The following TPST1 variants were observed in gnomAD, a reference collection of about 807,000 sequenced individuals.
The protein encoded by TPST1 is protein-tyrosine sulfotransferase 1.
Under a neutral mutation model 34.8 loss-of-function variants are expected in TPST1, and 20 were observed. The observed-to-expected ratio is 0.57, with a 90% confidence interval of 0.40 to 0.84. The LOEUF is 0.84. Among genes scored for constraint, TPST1 ranks in the 40% least tolerant of loss-of-function variants. The pLI, the probability that TPST1 is intolerant of heterozygous loss-of-function variation, is 0.00. For missense variants in TPST1, 353 were observed against 455.5 expected, an observed-to-expected ratio of 0.78 and a Z score of 2.05; for synonymous variants, 152 against 159.4, an observed-to-expected ratio of 0.95 and a Z score of 0.35.
Position 66,299,297 on chromosome 7 carries a change from A to AG in TPST1, c.1044+12590dup, listed in dbSNP as rs200396687. ...AGACATGTTGACTACTAATGCTCTT[A>AG]GGTTTTTTTTTTTTTTTTTAATTTG... On this transcript the variant is annotated intron_variant, in intron 3 of 5. Transcript: ENST00000304842. Among the ~76,000 whole-genome samples the AG allele has an allele frequency of 6.6e-5, 5 of 75,816 alleles. No individual in the cohort carries two copies. The East Asian group carries it at 1.6e-3, about 25-fold the overall frequency. 49.7% of individuals were successfully genotyped at this position (75,816 alleles called of 152,430 possible).
At chr7:66,341,775 C>T (rs1368672862) in intron 3 of TPST1, among the ~76,000 whole-genome samples, 2 of 152,022 alleles carry the variant, frequency 1.3e-5, no homozygotes, top group African/African-American at 4.8e-5. Context: ...TCGGAGATAA[C>T]AAAAACAATG....
At chr7:66,268,135 T>C in intron 2 of TPST1, among the ~76,000 whole-genome samples, 1 of 152,074 alleles carries the variant, frequency 6.6e-6, no homozygotes, top group African/African-American at 2.4e-5. Context: ...ATATTTTTAG[T>C]AGAGATGAGG....
At chr7:66,267,566 CA>C (rs1209248266) in intron 2 of TPST1, among the ~76,000 whole-genome samples, 4 of 152,052 alleles carry the variant, frequency 2.6e-5, no homozygotes, top group Non-Finnish European at 4.4e-5. Context: ...CTTTCATCCC[CA>C]AATTGCAGAA....
intron 2 of TPST1, among the ~76,000 whole-genome samples, chr7:66,260,701 C>T (rs879938597): frequency 6.6e-6 from 1 of 152,062 alleles, no homozygotes; most frequent in Non-Finnish European, 1.5e-5. Flanking sequence ...TATTCTTGAG[C>T]TTTGTTCTGG....
intron 3 of TPST1, among the ~76,000 whole-genome samples, chr7:66,304,401 A>G (rs537986811): frequency 6.6e-6 from 1 of 152,256 alleles, no homozygotes; most frequent in Admixed American, 6.5e-5. Context: ...GACTGCCCTG[A>G]CCTCTTAAAA....
intron 3 of TPST1, among the ~76,000 whole-genome samples, chr7:66,287,597 G>A (rs1433204755): frequency 1.7e-5 from 2 of 120,362 alleles, no homozygotes. Flanking sequence ...GCATTTCTCT[G>A]ATGGCCAGTG....
chr7:66,214,270 A>G (rs147190939), intron 1 of TPST1, among the ~76,000 whole-genome samples: 1 of 152,028 alleles, frequency 6.6e-6, no homozygotes, highest in African/African-American at 2.4e-5. Flanking sequence ...AGAAATATCT[A>G]TTTTGAGCAC....
intron 3 of TPST1, among the ~76,000 whole-genome samples, chr7:66,317,215 T>G (rs1584234577): frequency 1.3e-5 from 2 of 152,212 alleles, no homozygotes; most frequent in African/African-American, 4.8e-5. Flanking sequence ...TTATATGTAC[T>G]TCTTGGTCCT....
chr7:66,210,235 G>A (rs766976494), intron 1 of TPST1, among the ~76,000 whole-genome samples: 3 of 152,182 alleles, frequency 2.0e-5, no homozygotes, highest in African/African-American at 4.8e-5. Context: ...CTGGGTAATG[G>A]TGGTTCTGTT....
At chr7:66,306,704 T>G (rs1274929989) in intron 3 of TPST1, among the ~76,000 whole-genome samples, 1 of 152,192 alleles carries the variant, frequency 6.6e-6, no homozygotes. Flanking sequence ...TATAGTTTTT[T>G]GTTTTGTTTT....
intron 3 of TPST1, among the ~76,000 whole-genome samples, chr7:66,320,249 T>C (rs965966546): frequency 1.8e-4 from 26 of 142,956 alleles, no homozygotes; most frequent in Middle Eastern, 3.5e-3. Context: ...CTTTTTCTTT[T>C]TTTTTTTTTT....
intron 3 of TPST1, among the ~76,000 whole-genome samples, chr7:66,303,622 C>G (rs566374186): frequency 1.4e-4 from 22 of 152,214 alleles, no homozygotes; most frequent in Non-Finnish European, 1.3e-4. Context: ...GTTGCCCAGG[C>G]TGGTCTGAAG....
chr7:66,329,717 A>G (rs923333264), intron 3 of TPST1, among the ~76,000 whole-genome samples: 2 of 152,232 alleles, frequency 1.3e-5, no homozygotes, highest in Non-Finnish European at 2.9e-5. Flanking sequence ...GTCCACTTCC[A>G]TTAGATAAAG....
intron 2 of TPST1, among the ~76,000 whole-genome samples, chr7:66,274,028 G>A (rs1365134321): frequency 6.6e-6 from 1 of 151,096 alleles, no homozygotes; most frequent in African/African-American, 2.4e-5. Context: ...GTAGAGACGG[G>A]GTTTCACCAT....
Position 66,281,025 on chromosome 7 carries a change from T to G in TPST1, c.846-5486T>G, listed in dbSNP as rs149245603. ...CCTTCGATGCCTAGCTTGTTGAGAGTTTTTAACATGAAGGGATGCTGAATT... is the reference window on the plus strand; with the variant it reads ...CCTTCGATGCCTAGCTTGTTGAGAGGTTTTAACATGAAGGGATGCTGAATT... On this transcript the variant is annotated intron_variant, in intron 2 of 5. Transcript: ENST00000304842. 4.0e-3 allele frequency among the ~76,000 whole-genome samples: 605 copies of G among 152,120 alleles called. 4 individuals are homozygous for G. The highest frequency in any genetic ancestry group is 6.8e-3 in the Non-Finnish European group (460 of 67,994).
intron 3 of TPST1, among the ~76,000 whole-genome samples, chr7:66,344,721 A>ATT (rs757855278): frequency 8.5e-5 from 11 of 128,756 alleles, no homozygotes; most frequent in East Asian, 2.2e-4. Flanking sequence ...AACATTTCTA[A>ATT]TTTTTTTTTT....
At chr7:66,281,621 T>C (rs1461189300) in intron 2 of TPST1, among the ~76,000 whole-genome samples, 1 of 152,226 alleles carries the variant, frequency 6.6e-6, no homozygotes, top group African/African-American at 2.4e-5. Flanking sequence ...TGAAAGTCTT[T>C]GAAAACATGG....
chr7:66,264,450 G>A (rs1790550987), intron 2 of TPST1, among the ~76,000 whole-genome samples: 1 of 152,182 alleles, frequency 6.6e-6, no homozygotes. Context: ...GAAGCTACCT[G>A]GCTAAGTAGT....
chr7:66,321,634 A>T (rs1025757021), intron 3 of TPST1, among the ~76,000 whole-genome samples: 4 of 152,238 alleles, frequency 2.6e-5, no homozygotes, highest in African/African-American at 9.6e-5. Context: ...GGATATCTGT[A>T]GGTACAAATT....
Sources: allele counts gnomAD v4.1 joint callset (sites outside exome capture counted in the v4.1 genomes callset), GRCh38; gene constraint gnomAD v4.1.1; transcripts MANE v1.5; gene names NCBI Gene and HGNC (gene_info 2026-07-23, HGNC 2026-07-21).